The following ZNF385D variants were observed in gnomAD, a reference collection of about 807,000 sequenced individuals.
ZNF385D encodes the protein zinc finger protein 659.
Under a neutral mutation model 35.8 loss-of-function variants are expected in ZNF385D, and 15 were observed. The ratio of observed to expected loss-of-function variants is 0.42; its 90% CI spans 0.28 to 0.64. ZNF385D has a LOEUF of 0.64. Ranked by LOEUF, ZNF385D falls within the 30% of genes least tolerant of loss-of-function variation. The pLI, the probability that ZNF385D is intolerant of heterozygous loss-of-function variation, is 0.23. For synonymous variants in ZNF385D, 212 were observed against 186.8 expected, an observed-to-expected ratio of 1.13 and a Z score of -1.10; for missense variants, 474 against 494.6, an observed-to-expected ratio of 0.96 and a Z score of 0.39.
chr3:21,935,630 A>T (rs936493394), intron 3 of ZNF385D, among the ~76,000 whole-genome samples: 1 of 152,114 alleles, frequency 6.6e-6, no homozygotes, highest in Non-Finnish European at 1.5e-5. Context: ...AAGAGTAAAA[A>T]GTTGCTTGTC....
intron 3 of ZNF385D, among the ~76,000 whole-genome samples, chr3:21,914,380 ACTT>A (rs1412400176): frequency 2.5e-5 from 1 of 40,020 alleles, no homozygotes; most frequent in Non-Finnish European, 4.3e-5. Context: ...CTTTTGTTTG[ACTT>A]TTTTTTTTTT....
At chr3:22,213,880 T>A (rs1697684184) in intron 2 of ZNF385D, among the ~76,000 whole-genome samples, 1 of 152,032 alleles carries the variant, frequency 6.6e-6, no homozygotes, top group Non-Finnish European at 1.5e-5. Flanking sequence ...TCTCTCCTTC[T>A]TAAGGAGAGA....
At chr3:22,116,949 C>A (rs1702843102) in intron 3 of ZNF385D, among the ~76,000 whole-genome samples, 1 of 151,882 alleles carries the variant, frequency 6.6e-6, no homozygotes, top group Non-Finnish European at 1.5e-5. Context: ...TCATAACCAC[C>A]CTATACAATG....
intron 2 of ZNF385D, among the ~76,000 whole-genome samples, chr3:21,574,480 C>T (rs1258961347): frequency 6.6e-6 from 1 of 152,004 alleles, no homozygotes; most frequent in Admixed American, 6.6e-5. Context: ...ACAAACTGCA[C>T]AATAAACATT....
At chr3:21,523,353 T>A (rs141330986) in intron 3 of ZNF385D, among the ~76,000 whole-genome samples, 76 of 152,044 alleles carry the variant, frequency 5.0e-4, no homozygotes, top group African/African-American at 1.8e-3. Flanking sequence ...CAAAAGAGAG[T>A]GTACAATGAT....
chr3:21,912,228 T>G (rs1220861381), intron 3 of ZNF385D, among the ~76,000 whole-genome samples: 1 of 151,850 alleles, frequency 6.6e-6, no homozygotes, highest in Non-Finnish European at 1.5e-5. Context: ...GACCCTAAAC[T>G]CGTTAAAATG....
intron 3 of ZNF385D, among the ~76,000 whole-genome samples, chr3:22,149,233 G>C (rs1705070390): frequency 1.3e-5 from 2 of 152,202 alleles, no homozygotes; most frequent in South Asian, 4.1e-4. Flanking sequence ...TTTCCTAAAA[G>C]TCTATATTTA....
At chr3:22,302,512 G>T (rs1702957545) in intron 2 of ZNF385D, among the ~76,000 whole-genome samples, 1 of 151,868 alleles carries the variant, frequency 6.6e-6, no homozygotes. Context: ...GCTTGGGTCT[G>T]TCCTTAGTGT....
At chr3:22,141,653 A>C (rs1576391057) in intron 3 of ZNF385D, among the ~76,000 whole-genome samples, 1 of 148,332 alleles carries the variant, frequency 6.7e-6, no homozygotes, top group Admixed American at 6.8e-5. Flanking sequence ...AAGAACCAAA[A>C]GCACCGCCCC....
chr3:21,559,070 C>T (rs2062845952), intron 3 of ZNF385D, among the ~76,000 whole-genome samples: 1 of 149,416 alleles, frequency 6.7e-6, no homozygotes, highest in Admixed American at 6.7e-5. Flanking sequence ...TGTTTTTACA[C>T]ATGAGAGTCT....
At position 22,175,245 on chromosome 3, in the gene ZNF385D, C is replaced by T. The variant is rs541661044; in HGVS notation, c.107-6210G>A. On this transcript the variant is annotated intron_variant, in intron 2 of 5. Coordinates refer to the ZNF385D transcript ENST00000494108. ...TGATGATACAACTGCTACTGTAATA[C>T]GTCATTTTGCAGAAAGCATTTAAAA... 1.8e-4 allele frequency among the ~76,000 whole-genome samples: 27 copies of T among 151,860 alleles called. 1 individual carries two copies. The South Asian group carries it at 4.4e-3, about 25-fold the overall frequency.
At chr3:21,879,528 T>C (rs540662200) in intron 3 of ZNF385D, among the ~76,000 whole-genome samples, 7 of 152,138 alleles carry the variant, frequency 4.6e-5, no homozygotes, top group African/African-American at 1.4e-4. Flanking sequence ...GTAAACTTCC[T>C]TCTTCAAAGG....
At chr3:21,560,462 C>A (rs963385975) in intron 3 of ZNF385D, among the ~76,000 whole-genome samples, 2 of 152,238 alleles carry the variant, frequency 1.3e-5, no homozygotes, top group African/African-American at 4.8e-5. Flanking sequence ...GCCTGGGTAT[C>A]ACCAGCAGAG....
chr3:21,987,907 A>G (rs1413997047), intron 3 of ZNF385D, among the ~76,000 whole-genome samples: 3 of 143,872 alleles, frequency 2.1e-5, no homozygotes, highest in Non-Finnish European at 4.6e-5. Context: ...TTCTCACTTC[A>G]TTTCATTCAT....
intron 3 of ZNF385D, among the ~76,000 whole-genome samples, chr3:21,956,607 G>A (rs1415052083): frequency 1.3e-5 from 2 of 152,014 alleles, no homozygotes; most frequent in Non-Finnish European, 2.9e-5. Context: ...CTATATGTCA[G>A]AGGAATTTGT....
At chr3:21,583,470 A>C (rs1460997977) in intron 2 of ZNF385D, among the ~76,000 whole-genome samples, 1 of 152,218 alleles carries the variant, frequency 6.6e-6, no homozygotes, top group Non-Finnish European at 1.5e-5. Context: ...ACAGCTTCAG[A>C]TGAAGAACAA....
intron 2 of ZNF385D, among the ~76,000 whole-genome samples, chr3:22,208,762 T>C (rs560111214): frequency 1.3e-5 from 2 of 151,948 alleles, no homozygotes; most frequent in East Asian, 1.9e-4. Flanking sequence ...CACAATACTT[T>C]TCTAAAATGT....
intron 3 of ZNF385D, among the ~76,000 whole-genome samples, chr3:21,767,854 T>C (rs1415697358): frequency 6.6e-6 from 1 of 152,122 alleles, no homozygotes; most frequent in Non-Finnish European, 1.5e-5. Context: ...TTTATAATAA[T>C]AAAGCACAAG....
chr3:21,418,813 C>T lies in ZNF385D; in HGVS notation c.*2401G>A, dbSNP rs1033690057. Reference sequence around the variant, plus strand: ...TTGTAAAGGTTGTTGGATAGGGACTCAGGATGATTATGGAAAATCAAAATA... The same window carrying T: ...TTGTAAAGGTTGTTGGATAGGGACTTAGGATGATTATGGAAAATCAAAATA... On this transcript the variant is annotated 3_prime_UTR_variant, in exon 8 of 8. Coordinates refer to ENST00000281523, the MANE Select transcript of ZNF385D (RefSeq NM_024697.3). 4 of 152,090 alleles carry T rather than the reference C, an allele frequency of 2.6e-5. No individual in the cohort carries two copies. The highest frequency in any genetic ancestry group is 9.7e-5 in the African/African-American group (4 of 41,430). The allele number at this position is 152,090 out of a possible 1,614,324, so 9.4% of individuals were successfully genotyped here. A position where few individuals can be genotyped will look rare whatever the true frequency, so the allele number is the denominator to read the frequency against.
Sources: gnomAD v4.1 joint callset for allele counts (sites outside exome capture counted in the v4.1 genomes callset) on GRCh38, gnomAD v4.1.1 for gene constraint, MANE v1.5 for transcripts, NCBI Gene and HGNC (gene_info 2026-07-23, HGNC 2026-07-21) for gene names.